COL16A1: variants seen among roughly 807,000 people sequenced by gnomAD.
The protein encoded by COL16A1 is collagen type XVI alpha 1 chain, also known as collagen alpha-1(XVI) chain.
In COL16A1, 189 loss-of-function variants were observed where a neutral mutation model predicts 266.3. The ratio of observed to expected loss-of-function variants is 0.71; its 90% CI spans 0.63 to 0.80. The LOEUF is 0.80. COL16A1 is among the 30% of genes least tolerant of loss of function. The pLI is 0.00. For missense variants in COL16A1, 1,928 were observed against 2,122.4 expected (o/e 0.91, Z 1.80); for synonymous variants, 740 against 782.3 (o/e 0.95, Z 0.90).
intron 13 of COL16A1, 70 bp downstream of exon 13, chr1:31,693,022 G>T: frequency 9.0e-7 from 1 of 1,105,642 alleles, no homozygotes; most frequent in Non-Finnish European, 1.4e-6. Flanking sequence ...TGGGATGATG[G>T]CTCACATCCC....
chr1:31,689,700 G>A (rs530265046), intron 23 of COL16A1, 41 bp downstream of exon 23: 1 of 1,508,014 alleles, frequency 6.6e-7, no homozygotes, highest in African/African-American at 1.4e-5. Context: ...GTTTCTTTGT[G>A]TGTTGGGGGA....
At chr1:31,700,201 C>T in intron 2 of COL16A1, 86 bp from the exon 3 acceptor site, 1 of 1,257,630 alleles carries the variant, frequency 8.0e-7, no homozygotes. Flanking sequence ...TGGGAGGGAG[C>T]AAGTTTATAG....
rs6699645 is a variant in COL16A1 at position 31,692,009 on chromosome 1, C to T, written c.1253G>A (p.Arg418Gln). The T allele has an allele frequency of 8.4e-4, 1,348 of 1,613,870 alleles. 8 individuals are homozygous for T. In the African/African-American group the frequency reaches 0.016, roughly 19 times the overall value. Residue 418 changes from arginine to glutamine, a missense_variant, in exon 17 of 71, where the codon CGG becomes CAG. Coordinates refer to ENST00000373672, the MANE Select transcript of COL16A1 (RefSeq NM_001856.4). ...GGAAGGGTCCCAGGCACCTACGTCC[C>T]GGCCTGGCTTTCCCGGCACGCCCTT... ...GIKGVPGKPG[R>Q]DGRPGEICVI...
intron 22 of COL16A1, 98 bp from the exon 23 acceptor site, chr1:31,689,949 A>T: frequency 1.0e-6 from 1 of 984,036 alleles, no homozygotes; most frequent in Admixed American, 2.1e-5. Flanking sequence ...CATTGGGTCC[A>T]CCAGAGCCCC....
chr1:31,698,722 A>G lies in COL16A1; in HGVS notation c.267-116T>C. 1.4e-6 allele frequency: 2 copies of G among 1,478,972 alleles called. No individual in the cohort carries two copies. Among genetic ancestry groups the G allele is most frequent in the Admixed American group, 2.0e-5 (1 of 48,788 alleles). 91.6% of individuals were successfully genotyped at this position (1,478,972 alleles called of 1,614,324 possible). On this transcript the variant is annotated intron_variant, in intron 4 of 70. Transcript: ENST00000373672. This position sits in a 1 kb window ranked among gnomAD's most constrained non-coding sequence, Gnocchi z 4.1. ...AGACATCCACAGGCACACATCTTCC[A>G]TCATATACATTCATTCACTCTCCAT...
In COL16A1 at chr1:31,699,836, C is replaced by T. The variant is rs139942701; in HGVS notation, c.243G>A (p.Ala81=). Residue 81 remains alanine (A), a synonymous_variant, in exon 4 of 71, where the codon GCG becomes GCA. Transcript: ENST00000373672. ...ACCGCGTGGGCTGGGTCACGGGGGC[C>T]GCCCCCAGGCGCAGGATGAGAGGCC... The part of the protein sequence containing the change: ...PKGPLILRLG[A]APVTQPTRRV... 88 of 1,612,490 alleles carry T rather than the reference C, an allele frequency of 5.5e-5. No individual in the cohort carries two copies. The highest frequency in any genetic ancestry group is 3.3e-4 in the Middle Eastern group (2 of 6,012).
chr1:31,676,281 C>T (rs1300406050), intron 42 of COL16A1, among the ~76,000 whole-genome samples: 1 of 146,772 alleles, frequency 6.8e-6, no homozygotes, highest in Non-Finnish European at 1.5e-5. Context: ...GCCAAGATTA[C>T]GCCACTACAC....
chr1:31,667,568 G>A lies in COL16A1; in HGVS notation c.3357+7C>T. 2 of 1,592,136 alleles carry A rather than the reference G, an allele frequency of 1.3e-6. No homozygotes were observed. Among genetic ancestry groups the A allele is most frequent in the East Asian group, 2.3e-5 (1 of 43,904 alleles). On this transcript the variant is annotated splice_region_variant and intron_variant, in intron 52 of 70. Coordinates refer to ENST00000373672, the MANE Select transcript of COL16A1 (RefSeq NM_001856.4). ...CCTGCATCCAGCCCCACGCCGCTGGGACTCACCGGCTCTCCTTTCTCTCCC... is the reference window on the plus strand; with the variant it reads ...CCTGCATCCAGCCCCACGCCGCTGGAACTCACCGGCTCTCCTTTCTCTCCC...
chr1:31,680,429 G>A (rs542603471), intron 39 of COL16A1, among the ~76,000 whole-genome samples: 7 of 152,260 alleles, frequency 4.6e-5, no homozygotes, highest in South Asian at 2.1e-4. Flanking sequence ...CTGCTGCCAC[G>A]CAGGTAATCT....
rs1294135896 is a variant in COL16A1 at position 31,679,629 on chromosome 1, T to C, written c.2772+3A>G. Reference sequence around the variant, plus strand: ...AGCTCCTCATTCTCTTCTCCCCCTTTACCTGCAGCCCAGGTACTCCAGGGG... The same window carrying C: ...AGCTCCTCATTCTCTTCTCCCCCTTCACCTGCAGCCCAGGTACTCCAGGGG... On this transcript the variant is annotated splice_donor_region_variant and intron_variant, in intron 42 of 70. Transcript: ENST00000373672. 6.2e-7 allele frequency: 1 copy of C among 1,614,098 alleles called. No individual in the cohort carries two copies. Among genetic ancestry groups the C allele is most frequent in the Non-Finnish European group, 8.5e-7 (1 of 1,180,036 alleles).
chr1:31,665,672 G>T, intron 54 of COL16A1, 54 bp from the exon 55 acceptor site: 1 of 1,603,234 alleles, frequency 6.2e-7, no homozygotes, highest in Admixed American at 1.7e-5. Flanking sequence ...CTCCTGCCTG[G>T]CTGCCCAGGT....
intron 61 of COL16A1, 64 bp from the exon 62 acceptor site, chr1:31,660,702 C>T (rs545947646): frequency 4.4e-6 from 7 of 1,604,942 alleles, no homozygotes; most frequent in Admixed American, 3.4e-5. Flanking sequence ...ATGTGGCTGT[C>T]GGATGGGAGG....
At position 31,666,100 on chromosome 1, in the gene COL16A1, A is replaced by G. The variant is rs1038475354; in HGVS notation, c.3358-19T>C. The G allele has an allele frequency of 6.2e-7, 1 of 1,605,856 alleles. No homozygotes were observed. Among genetic ancestry groups the G allele is most frequent in the African/African-American group, 1.4e-5 (1 of 73,588 alleles). On this transcript the variant is annotated intron_variant, in intron 52 of 70. Coordinates refer to ENST00000373672, the MANE Select transcript of COL16A1 (RefSeq NM_001856.4). The stretch of plus-strand genomic sequence containing the variant: ...GGGGGCCCTAAGGATACAAAGGAAC[A>G]GAATCAGTCACTCCTCCTGGGGAGG...
chr1:31,691,101 C>G, intron 20 of COL16A1, 87 bp downstream of exon 20: 1 of 1,548,992 alleles, frequency 6.5e-7, no homozygotes, highest in Non-Finnish European at 8.7e-7. Context: ...GGACTTGCTT[C>G]CCCTGTGGGA....
rs368934818 is a variant in COL16A1 at position 31,702,104 on chromosome 1, C to T, written c.73+17G>A. On this transcript the variant is annotated intron_variant, in intron 2 of 70. Coordinates refer to ENST00000373672, the MANE Select transcript of COL16A1 (RefSeq NM_001856.4). ...GTTGCAGGCCTGTGATACTGTGACT[C>T]TCCTGTGTCATCTCACCTGTATTTG... 4.2e-5 allele frequency: 67 copies of T among 1,613,932 alleles called. No homozygotes were observed. Among genetic ancestry groups the T allele is most frequent in the Non-Finnish European group, 5.6e-5 (66 of 1,179,970 alleles).
chr1:31,693,289 G>T, intron 12 of COL16A1, 135 bp from the exon 13 acceptor site: 1 of 660,868 alleles, frequency 1.5e-6, no homozygotes, highest in South Asian at 1.7e-5. Flanking sequence ...TGTGAGCAGT[G>T]TCCTGCCCCA....
chr1:31,671,743 G>T (rs1262288872), intron 47 of COL16A1, 84 bp from the exon 48 acceptor site: 6 of 1,571,240 alleles, frequency 3.8e-6, no homozygotes, highest in Admixed American at 3.6e-5. Context: ...CTCCCAGCTT[G>T]CCAGGGCCAA....
At chr1:31,659,308 C>CT (rs767519878) in intron 62 of COL16A1, among the ~76,000 whole-genome samples, 3 of 152,284 alleles carry the variant, frequency 2.0e-5, no homozygotes, top group Non-Finnish European at 4.4e-5. Context: ...GAGACCCTTG[C>CT]TTCCCTAAAG....
At chr1:31,677,186 A>G (rs994896809) in intron 42 of COL16A1, among the ~76,000 whole-genome samples, 1 of 152,220 alleles carries the variant, frequency 6.6e-6, no homozygotes, top group Non-Finnish European at 1.5e-5. Context: ...CCTGGGTTCA[A>G]GCGATTCTCC....
Sources: allele counts gnomAD v4.1 joint callset (sites outside exome capture counted in the v4.1 genomes callset), GRCh38; gene constraint gnomAD v4.1.1; non-coding constraint Gnocchi (gnomAD v3.1); transcripts MANE v1.5; gene names NCBI Gene and HGNC (gene_info 2026-07-23, HGNC 2026-07-21).